The following SPMIP2 variants were observed in gnomAD, a reference collection of about 807,000 sequenced individuals.
SPMIP2 encodes the protein sperm microtubule inner protein 2.
chr4:158,938,592 A>C, the SPMIP2 span, among the ~76,000 whole-genome samples: 1 of 152,210 alleles, frequency 6.6e-6, no homozygotes, highest in Non-Finnish European at 1.5e-5. Context: ...CAAGCTCCAG[A>C]ATGTGAAAAA....
At chr4:159,051,732 C>T in the SPMIP2 span, among the ~76,000 whole-genome samples, 1 of 152,102 alleles carries the variant, frequency 6.6e-6, no homozygotes, top group African/African-American at 2.4e-5. Flanking sequence ...CAGGTTTTTG[C>T]TCCTAGCATA....
chr4:158,913,546 TTTAGA>T, the SPMIP2 span, among the ~76,000 whole-genome samples: 4 of 152,172 alleles, frequency 2.6e-5, no homozygotes, highest in African/African-American at 4.8e-5. Flanking sequence ...GACTATGAAC[TTTAGA>T]TTAGATAATA....
chr4:158,929,967 T>C, the SPMIP2 span, among the ~76,000 whole-genome samples: 8 of 152,358 alleles, frequency 5.3e-5, no homozygotes, highest in South Asian at 1.7e-3. Flanking sequence ...AGGGCAGGTC[T>C]GCTAGTGAAA....
the SPMIP2 span, among the ~76,000 whole-genome samples, chr4:159,020,823 G>C: frequency 1.3e-5 from 2 of 152,198 alleles, no homozygotes; most frequent in African/African-American, 4.8e-5. Flanking sequence ...GTGCAGTGGC[G>C]CTATCTCGGC....
the SPMIP2 span, among the ~76,000 whole-genome samples, chr4:159,079,308 A>G: frequency 6.6e-6 from 1 of 152,076 alleles, no homozygotes; most frequent in African/African-American, 2.4e-5. Flanking sequence ...TAGTGGCCAA[A>G]AAAAGAGACT....
the SPMIP2 span, among the ~76,000 whole-genome samples, chr4:159,013,277 T>TAC: frequency 6.6e-6 from 1 of 152,190 alleles, no homozygotes; most frequent in Non-Finnish European, 1.5e-5. Context: ...CAGGTATTTG[T>TAC]ACACACATGT....
chr4:158,915,604 C>T, the SPMIP2 span, among the ~76,000 whole-genome samples: 2 of 152,258 alleles, frequency 1.3e-5, no homozygotes, highest in East Asian at 1.9e-4. Flanking sequence ...AGCTTGTTGA[C>T]GAATGCACTA....
the SPMIP2 span, among the ~76,000 whole-genome samples, chr4:158,924,037 C>T: frequency 6.6e-6 from 1 of 152,122 alleles, no homozygotes; most frequent in Non-Finnish European, 1.5e-5. Flanking sequence ...GAGAAAGAGA[C>T]ACCAGAGAGC....
chr4:158,937,183 C>T, the SPMIP2 span, among the ~76,000 whole-genome samples: 1 of 152,216 alleles, frequency 6.6e-6, no homozygotes, highest in Non-Finnish European at 1.5e-5. Flanking sequence ...AACATTTCAT[C>T]TTAATCCTCT....
the SPMIP2 span, among the ~76,000 whole-genome samples, chr4:158,972,751 G>T: frequency 1.3e-5 from 2 of 152,220 alleles, no homozygotes; most frequent in African/African-American, 4.8e-5. Context: ...TCTTTCCATC[G>T]TCCACGCATG....
chr4:159,014,407 C>T, the SPMIP2 span, among the ~76,000 whole-genome samples: 5 of 152,162 alleles, frequency 3.3e-5, no homozygotes, highest in South Asian at 2.1e-4. Context: ...GAGCTGAGGT[C>T]GCACCACCGC....
chr4:159,063,881 A>G, the SPMIP2 span, among the ~76,000 whole-genome samples: 1 of 152,210 alleles, frequency 6.6e-6, no homozygotes, highest in African/African-American at 2.4e-5. Flanking sequence ...CATTCTTCAT[A>G]TTTACCAGGG....
At chr4:159,041,657 A>T in the SPMIP2 span, among the ~76,000 whole-genome samples, 1 of 152,202 alleles carries the variant, frequency 6.6e-6, no homozygotes, top group Non-Finnish European at 1.5e-5. Context: ...CTGTCATCTC[A>T]TTCATGGTGT....
chr4:158,899,322 G>A, the SPMIP2 span, among the ~76,000 whole-genome samples: 3 of 152,068 alleles, frequency 2.0e-5, no homozygotes, highest in Non-Finnish European at 4.4e-5. Flanking sequence ...TTTTTGTTGG[G>A]TCTCTGCCAG....
the SPMIP2 span, among the ~76,000 whole-genome samples, chr4:159,003,023 C>T: frequency 6.6e-6 from 1 of 152,298 alleles, no homozygotes; most frequent in South Asian, 2.1e-4. Context: ...TTTATGATCA[C>T]CTCAGGAAAG....
the SPMIP2 span, among the ~76,000 whole-genome samples, chr4:159,054,419 C>A: frequency 1.4e-4 from 22 of 152,102 alleles, no homozygotes; most frequent in African/African-American, 4.3e-4. Flanking sequence ...GCCCTAACTC[C>A]TAGGATTTCT....
At chr4:159,078,283 T>C in the SPMIP2 span, among the ~76,000 whole-genome samples, 1 of 152,312 alleles carries the variant, frequency 6.6e-6, no homozygotes, top group South Asian at 2.1e-4. Flanking sequence ...GGCTTTGTAG[T>C]ACATCTCCAA....
the SPMIP2 span, chr4:159,007,547 GA>G: frequency 2.8e-6 from 3 of 1,063,664 alleles, no homozygotes; most frequent in Non-Finnish European, 4.2e-6. Flanking sequence ...CAATCCAGGA[GA>G]AGGTGCTGGA....
the SPMIP2 span, chr4:158,973,185 C>T: frequency 6.2e-7 from 1 of 1,613,622 alleles, no homozygotes; most frequent in South Asian, 1.1e-5. Context: ...TGCTGGCAAG[C>T]TTCTATTTGA....
Sources: allele counts gnomAD v4.1 joint callset (sites outside exome capture counted in the v4.1 genomes callset), GRCh38; gene constraint gnomAD v4.1.1; transcripts MANE v1.5; gene names NCBI Gene and HGNC (gene_info 2026-07-23, HGNC 2026-07-21).